The following HMCN1 variants were observed in gnomAD, a reference collection of about 807,000 sequenced individuals.
The protein encoded by HMCN1 is hemicentin-1.
Under a neutral mutation model 625.9 loss-of-function variants are expected in HMCN1, and 321 were observed. The observed-to-expected ratio is 0.51, with a 90% confidence interval of 0.47 to 0.56. The LOEUF is 0.56. Among genes scored for constraint, HMCN1 ranks in the 20% least tolerant of loss-of-function variants. The probability of loss-of-function intolerance (pLI) is 0.00; values close to 1 mark genes in which losing one functional copy is unlikely to be tolerated. For missense variants in HMCN1, 6,588 were observed against 6,887.3 expected (o/e 0.96, Z 1.54); for synonymous variants, 2,425 against 2,417.6 (o/e 1.00, Z -0.09).
At chr1:185,812,224 T>C (rs1161175294) in intron 1 of HMCN1, among the ~76,000 whole-genome samples, 2 of 152,150 alleles carry the variant, frequency 1.3e-5, no homozygotes, top group Admixed American at 1.3e-4. Flanking sequence ...GTTATTTGAC[T>C]GATTTCCTAT....
At chr1:185,917,000 C>T (rs925573760) in intron 6 of HMCN1, among the ~76,000 whole-genome samples, 1 of 152,118 alleles carries the variant, frequency 6.6e-6, no homozygotes, top group Non-Finnish European at 1.5e-5. Context: ...CCTTATTACC[C>T]AGTAGGCAAG....
chr1:186,178,640 C>G lies in HMCN1; in HGVS notation c.16168C>G (p.Gln5390Glu). The G allele has an allele frequency of 6.2e-7, 1 of 1,614,028 alleles. No individual in the cohort carries two copies. Among genetic ancestry groups the G allele is most frequent in the Non-Finnish European group, 8.5e-7 (1 of 1,179,886 alleles). Reference sequence around the variant, plus strand: ...CTATCAACCTCAACAGCATTACAGACAGTACTCACATCTCTACAGCTCCTA... The same window carrying G: ...CTATCAACCTCAACAGCATTACAGAGAGTACTCACATCTCTACAGCTCCTA... ...NNYQPQQHYR[Q>E]YSHLYSSYSE... Residue 5390 changes from glutamine to glutamate, a missense_variant, in exon 104 of 107, where the codon CAG (glutamine) becomes GAG (glutamate). Transcript: ENST00000271588.
chr1:186,095,521 G>C lies in HMCN1; in HGVS notation c.10573G>C (p.Glu3525Gln), dbSNP rs767413112. 1.2e-6 allele frequency: 2 copies of C among 1,613,190 alleles called. No individual in the cohort carries two copies. Among genetic ancestry groups the C allele is most frequent in the Non-Finnish European group, 8.5e-7 (1 of 1,179,458 alleles). Residue 3525 changes from glutamate (E) to glutamine (Q), a missense_variant and splice_region_variant, in exon 68 of 107, where the codon GAA becomes CAA. Around this residue, in one of 3 missense-constraint regions of HMCN1, gnomAD observed 4,628 missense variants for 4,853.1 expected, o/e 0.95. Coordinates refer to ENST00000271588, the MANE Select transcript of HMCN1 (RefSeq NM_031935.3). ...CAAGCACTTTATCCTCAAGGTCCTAGGTATGTAAACATTGTGGTAAATGTA... is the reference window on the plus strand; with the variant it reads ...CAAGCACTTTATCCTCAAGGTCCTACGTATGTAAACATTGTGGTAAATGTA... ...VSKHFILKVL[E>Q]PPHINGSEEH...
Position 186,088,286 on chromosome 1 carries a change from C to T in HMCN1, c.9577+10C>T, listed in dbSNP as rs769790774. The T allele has an allele frequency of 3.7e-6, 6 of 1,612,152 alleles. No individual in the cohort carries two copies. The highest frequency in any genetic ancestry group is 1.7e-5 in the Admixed American group (1 of 59,816). The stretch of plus-strand genomic sequence containing the variant: ...AACCACAAGCGCATAGGTAAGGCAA[C>T]CATGCATTTTTGTGTGTGTGTGTGT... On this transcript the variant is annotated intron_variant, in intron 62 of 106. Coordinates refer to ENST00000271588, the MANE Select transcript of HMCN1 (RefSeq NM_031935.3).
intron 1 of HMCN1, among the ~76,000 whole-genome samples, chr1:185,796,906 T>C (rs1348506915): frequency 1.3e-5 from 2 of 152,214 alleles, no homozygotes; most frequent in African/African-American, 2.4e-5. Flanking sequence ...TTTTAGTTCT[T>C]TGAAAAATCC....
intron 19 of HMCN1, among the ~76,000 whole-genome samples, chr1:185,984,807 A>G (rs1418832796): frequency 2.0e-5 from 3 of 152,214 alleles, no homozygotes; most frequent in African/African-American, 4.8e-5. Context: ...AAGAAGATCC[A>G]GAAGCAATCT....
chr1:186,090,041 G>A (rs1659751008), intron 63 of HMCN1, among the ~76,000 whole-genome samples: 1 of 151,898 alleles, frequency 6.6e-6, no homozygotes, highest in Non-Finnish European at 1.5e-5. Flanking sequence ...TACTGAACAT[G>A]GAGTGGGGAA....
In HMCN1 at chr1:186,125,606, C is replaced by T. The variant is rs764622257; in HGVS notation, c.12502C>T (p.Pro4168Ser). Reference protein sequence around the residue: ...STSTKLTVHVPPRIRSTEGHY... With the variant: ...STSTKLTVHVSPRIRSTEGHY... ...ACTCTTTTTTAAACTCTTCATAGTA[C>T]CACCCAGGATCAGAAGTACAGAAGG... The change falls in exon 82 of 107, where the codon CCA (proline) becomes TCA (serine). Residue 4168 changes from proline (P) to serine (S), a missense_variant and splice_region_variant. Around this residue, in one of 3 missense-constraint regions of HMCN1, gnomAD observed 1,954 missense variants for 2,013.1 expected, o/e 0.97. Transcript: ENST00000271588. The T allele has an allele frequency of 1.3e-5, 21 of 1,611,144 alleles. No individual in the cohort carries two copies. Among genetic ancestry groups the T allele is most frequent in the Non-Finnish European group, 1.5e-5 (18 of 1,177,716 alleles).
At chr1:186,102,540 G>A (rs1010052862) in intron 68 of HMCN1, among the ~76,000 whole-genome samples, 6 of 152,012 alleles carry the variant, frequency 3.9e-5, no homozygotes, top group Non-Finnish European at 5.9e-5. Context: ...AATAATGTTG[G>A]TATCCCCATT....
intron 1 of HMCN1, among the ~76,000 whole-genome samples, chr1:185,746,863 G>A (rs564010537): frequency 4.8e-4 from 73 of 151,942 alleles, no homozygotes; most frequent in Admixed American, 2.7e-3. Flanking sequence ...CACCTCAGCC[G>A]CCCAAAGTGT....
intron 16 of HMCN1, among the ~76,000 whole-genome samples, chr1:185,980,550 C>T (rs1221616419): frequency 6.6e-6 from 1 of 152,166 alleles, no homozygotes; most frequent in African/African-American, 2.4e-5. Flanking sequence ...CTTCTCCAGT[C>T]ATTGCATCAA....
chr1:185,854,336 A>G (rs185605534), intron 2 of HMCN1, among the ~76,000 whole-genome samples: 6 of 152,170 alleles, frequency 3.9e-5, no homozygotes, highest in Admixed American at 3.9e-4. Context: ...CTAGTATTGG[A>G]ATTGATTTTG....
chr1:185,840,928 G>A (rs1354052593), intron 1 of HMCN1, among the ~76,000 whole-genome samples: 2 of 152,116 alleles, frequency 1.3e-5, no homozygotes, highest in Admixed American at 1.3e-4. Flanking sequence ...ACCCCAGAAG[G>A]CAGCAGTAAA....
chr1:185,837,647 A>G (rs991713702), intron 1 of HMCN1, among the ~76,000 whole-genome samples: 1 of 152,114 alleles, frequency 6.6e-6, no homozygotes, highest in Non-Finnish European at 1.5e-5. Context: ...ATTCTTTTAT[A>G]TAAACATGGT....
Position 186,182,249 on chromosome 1 carries a change from C to T in HMCN1, c.16376C>T (p.Pro5459Leu). The T allele has an allele frequency of 6.2e-7, 1 of 1,613,488 alleles. No individual in the cohort carries two copies. Among genetic ancestry groups the T allele is most frequent in the Non-Finnish European group, 8.5e-7 (1 of 1,179,530 alleles). ...GGAAGTTATCAGTGCATCTGCCCAC[C>T]TGGCTATCAACTCACACACAATGGA... is the stretch of plus-strand genomic sequence containing the variant. The part of the protein sequence containing the change: ...TFGSYQCICP[P>L]GYQLTHNGKT... Residue 5459 changes from proline to leucine, a missense_variant, in exon 105 of 107, where the codon CCT (proline) becomes CTT (leucine). By Grantham distance (98) the Pro-to-Leu change is moderately conservative. Transcript: ENST00000271588.
At chr1:185,941,836 T>G (rs1452804403) in intron 11 of HMCN1, among the ~76,000 whole-genome samples, 1 of 152,148 alleles carries the variant, frequency 6.6e-6, no homozygotes, top group East Asian at 1.9e-4. Context: ...AAAGAAATAT[T>G]AAAGTGTCTT....
At chr1:185,974,611 T>G (rs1280393163) in intron 15 of HMCN1, among the ~76,000 whole-genome samples, 1 of 152,156 alleles carries the variant, frequency 6.6e-6, no homozygotes, top group East Asian at 1.9e-4. Context: ...ATCTACTCAC[T>G]GTAATTCACT....
Position 186,178,690 on chromosome 1 carries a change from ATC to A in HMCN1, c.16225_16226del (p.Ser5409GlnfsTer3). 1 of 1,614,160 alleles carries A rather than the reference ATC, an allele frequency of 6.2e-7. No individual in the cohort carries two copies. The highest frequency in any genetic ancestry group is 8.5e-7 in the Non-Finnish European group (1 of 1,179,978). ...SYSEYRNSRT[S>X]LSRTRRTIRK... ...ACTCAGAGTATAGAAACAGCAGAAC[ATC>A]TCTCTCCAGGACTAGAAGGACTATT... is the stretch of plus-strand genomic sequence containing the variant. On this transcript the variant is annotated frameshift_variant, in exon 104 of 107. Coordinates refer to ENST00000271588, the MANE Select transcript of HMCN1 (RefSeq NM_031935.3). LOFTEE classifies it high-confidence loss of function.
At chr1:185,842,519 A>AG (rs1661537694) in intron 1 of HMCN1, among the ~76,000 whole-genome samples, 1 of 151,020 alleles carries the variant, frequency 6.6e-6, no homozygotes, top group Non-Finnish European at 1.5e-5. Context: ...AGCTGTGATC[A>AG]TGCCATTGCA....
Sources: allele counts gnomAD v4.1 joint callset (sites outside exome capture counted in the v4.1 genomes callset), GRCh38; gene constraint gnomAD v4.1.1; regional missense constraint gnomAD v4.1.1; transcripts MANE v1.5; gene names NCBI Gene and HGNC (gene_info 2026-07-23, HGNC 2026-07-21).